Variants in THSD7A observed in about 807,000 individuals in gnomAD.
THSD7A encodes thrombospondin type-1 domain-containing protein 7A.
Under a neutral mutation model 231.3 loss-of-function variants are expected in THSD7A, and 96 were observed. The ratio of observed to expected loss-of-function variants is 0.41; its 90% CI spans 0.35 to 0.49. The LOEUF is 0.49. THSD7A is among the 20% of genes least tolerant of loss of function. The probability of loss-of-function intolerance (pLI) is 0.05; values close to 1 mark genes in which losing one functional copy is unlikely to be tolerated. For missense variants in THSD7A, 2,290 were observed against 2,070.2 expected (o/e 1.11, Z -2.06); for synonymous variants, 940 against 743.3 (o/e 1.26, Z -4.30).
At chr7:11,805,199 C>G (rs898622794) in intron 1 of THSD7A, among the ~76,000 whole-genome samples, 3 of 152,098 alleles carry the variant, frequency 2.0e-5, no homozygotes, top group Non-Finnish European at 4.4e-5. Context: ...CATTCATGTT[C>G]CCACTGCAAT....
At chr7:11,808,844 C>T (rs1260101589) in intron 1 of THSD7A, among the ~76,000 whole-genome samples, 1 of 151,892 alleles carries the variant, frequency 6.6e-6, no homozygotes, top group African/African-American at 2.4e-5. Flanking sequence ...TATATACCTA[C>T]AAGAATATCA....
intron 9 of THSD7A, among the ~76,000 whole-genome samples, chr7:11,466,777 AT>A (rs1785724048): frequency 6.6e-6 from 1 of 152,024 alleles, no homozygotes; most frequent in African/African-American, 2.4e-5. Context: ...CCGAGTTGGC[AT>A]TTTTGCACTC....
chr7:11,423,002 A>G (rs1784201122), intron 16 of THSD7A, among the ~76,000 whole-genome samples: 1 of 152,102 alleles, frequency 6.6e-6, no homozygotes, highest in Admixed American at 6.5e-5. Context: ...TCTTAAGGTA[A>G]TATTTTTTAT....
At chr7:11,560,802 T>C (rs187988427) in intron 4 of THSD7A, among the ~76,000 whole-genome samples, 120 of 152,196 alleles carry the variant, frequency 7.9e-4, no homozygotes, top group African/African-American at 2.8e-3. Context: ...TGGTGGTTTG[T>C]GGCTGAAAAG....
intron 1 of THSD7A, among the ~76,000 whole-genome samples, chr7:11,695,823 A>G (rs1325972907): frequency 6.6e-6 from 1 of 151,458 alleles, no homozygotes; most frequent in African/African-American, 2.4e-5. Context: ...CAATTTGGTG[A>G]GGTAACATGA....
At chr7:11,420,944 G>C (rs1426261061) in intron 16 of THSD7A, among the ~76,000 whole-genome samples, 1 of 152,156 alleles carries the variant, frequency 6.6e-6, no homozygotes, top group Non-Finnish European at 1.5e-5. Flanking sequence ...TAGCCACTTT[G>C]TTTTGGCGAA....
intron 1 of THSD7A, among the ~76,000 whole-genome samples, chr7:11,697,316 G>A (rs1454205995): frequency 2.0e-5 from 3 of 151,298 alleles, no homozygotes; most frequent in African/African-American, 7.3e-5. Context: ...CATTAACTCT[G>A]TAAGGCTTAA....
chr7:11,541,563 G>T lies in THSD7A; in HGVS notation c.1678C>A (p.Pro560Thr). 1 of 1,613,896 alleles carries T rather than the reference G, an allele frequency of 6.2e-7. No individual in the cohort carries two copies. The highest frequency in any genetic ancestry group is 8.5e-7 in the Non-Finnish European group (1 of 1,179,878). ...TGGSGVTGNC[P>T]HLLEAIPCEE... ...CAGGGAATGGCTTCCAGTAAGTGAG[G>T]GCAGTTTCCGGTTACCCCAGAGCCT... Residue 560 changes from proline (P) to threonine (T), a missense_variant, in exon 6 of 28, where the codon CCT becomes ACT. Physicochemically the swap from Pro to Thr is conservative, Grantham distance 38. Coordinates refer to ENST00000423059, the MANE Select transcript of THSD7A (RefSeq NM_015204.3).
chr7:11,403,567 T>A (rs1472369684), intron 22 of THSD7A, among the ~76,000 whole-genome samples: 1 of 152,220 alleles, frequency 6.6e-6, no homozygotes, highest in Non-Finnish European at 1.5e-5. Context: ...TTCCTGTCAA[T>A]ATGAATGTAA....
chr7:11,603,809 A>G (rs1780636333), intron 2 of THSD7A, among the ~76,000 whole-genome samples: 1 of 147,598 alleles, frequency 6.8e-6, no homozygotes, highest in Non-Finnish European at 1.5e-5. Context: ...ATTCTCACTC[A>G]TAGGTGGGAA....
In THSD7A at chr7:11,432,849, T is replaced by C. The variant is rs553885466; in HGVS notation, c.3065-3724A>G. On this transcript the variant is annotated intron_variant, in intron 13 of 27. Transcript: ENST00000423059. ...TACTCCTAGGAGACAAATGGATAAATTGGATGGTATGTATATTATATTATC... is the reference window on the plus strand; with the variant it reads ...TACTCCTAGGAGACAAATGGATAAACTGGATGGTATGTATATTATATTATC... Among the ~76,000 whole-genome samples, 26 of 152,110 alleles carry C rather than the reference T, an allele frequency of 1.7e-4. 1 individual carries two copies. The highest frequency in any genetic ancestry group is 5.9e-4 in the Admixed American group (9 of 15,260).
At chr7:11,689,407 T>C (rs1780162746) in intron 1 of THSD7A, among the ~76,000 whole-genome samples, 1 of 151,812 alleles carries the variant, frequency 6.6e-6, no homozygotes, top group Admixed American at 6.6e-5. Context: ...GTACAGAGAG[T>C]AGAAACCACT....
intron 6 of THSD7A, among the ~76,000 whole-genome samples, chr7:11,496,816 AAC>A (rs143997185): frequency 5.3e-5 from 8 of 152,326 alleles, no homozygotes; most frequent in African/African-American, 1.2e-4. Context: ...AACAAATGAA[AAC>A]ATTTAGCCAA....
chr7:11,808,426 T>A (rs965108721), intron 1 of THSD7A, among the ~76,000 whole-genome samples: 1 of 152,134 alleles, frequency 6.6e-6, no homozygotes, highest in Non-Finnish European at 1.5e-5. Context: ...GCCAACACCT[T>A]GGTCTTTGAC....
At chr7:11,557,307 G>A (rs21) in intron 4 of THSD7A, among the ~76,000 whole-genome samples, 90,399 of 151,782 alleles carry the variant, frequency 0.6, 27,430 homozygotes, top group African/African-American at 0.71. Flanking sequence ...CAGATCTGCA[G>A]TTTCTACTTG....
intron 1 of THSD7A, among the ~76,000 whole-genome samples, chr7:11,674,224 A>G (rs967908289): frequency 6.6e-6 from 1 of 151,968 alleles, no homozygotes; most frequent in Admixed American, 6.6e-5. Context: ...CAAAGCCTGG[A>G]AATGGATTTA....
Position 11,474,320 on chromosome 7 carries a change from TC to T in THSD7A, c.2252+13del. The T allele has an allele frequency of 6.3e-7, 1 of 1,599,414 alleles. No individual in the cohort carries two copies. Among genetic ancestry groups the T allele is most frequent in the Non-Finnish European group, 8.5e-7 (1 of 1,171,510 alleles). ...TGGCTACACGATTTACTGTTGTCAT[TC>T]TAAAGCTCTTACTTTTTGGGTCCCA... On this transcript the variant is annotated intron_variant, in intron 8 of 27. Coordinates refer to ENST00000423059, the MANE Select transcript of THSD7A (RefSeq NM_015204.3). This position sits in a 1 kb window ranked among gnomAD's most constrained non-coding sequence, Gnocchi z 4.1.
intron 4 of THSD7A, among the ~76,000 whole-genome samples, chr7:11,552,566 A>G (rs1789675988): frequency 1.4e-5 from 2 of 146,952 alleles, no homozygotes; most frequent in Admixed American, 1.3e-4. Context: ...ACTTAGGCAG[A>G]TAGTGAGGGT....
In THSD7A at chr7:11,750,683, G is replaced by C. The variant is rs139506007; in HGVS notation, c.190+81074C>G. ...GGATGGCCTCAAACTTATATGGCCA[G>C]TCTCTACTCAGACAGCATATAGGAA... On this transcript the variant is annotated intron_variant, in intron 1 of 27. Transcript: ENST00000423059. Among the ~76,000 whole-genome samples the C allele has an allele frequency of 6.3e-3, 959 of 152,116 alleles. 9 individuals are homozygous for C. Among genetic ancestry groups the C allele is most frequent in the African/African-American group, 0.022 (917 of 41,546 alleles).
Sources: gnomAD v4.1 joint callset for allele counts (sites outside exome capture counted in the v4.1 genomes callset) on GRCh38, gnomAD v4.1.1 for gene constraint, Gnocchi (gnomAD v3.1) non-coding constraint, MANE v1.5 for transcripts, NCBI Gene and HGNC (gene_info 2026-07-23, HGNC 2026-07-21) for gene names.